Variants in AMD1 observed in about 807,000 individuals in gnomAD.
The protein encoded by AMD1 is adenosylmethionine decarboxylase 1, also known as S-adenosylmethionine decarboxylase proenzyme.
In AMD1, 11 loss-of-function variants were observed where a neutral mutation model predicts 40.2. The observed-to-expected ratio is 0.27, with a 90% CI of 0.17 to 0.45. AMD1 has a LOEUF of 0.45. Ranked by LOEUF, AMD1 falls within the 20% of genes least tolerant of loss-of-function variation. AMD1 has a pLI of 1.00. For missense variants in AMD1, 257 were observed against 410.2 expected (o/e 0.63, Z 3.23); for synonymous variants, 121 against 130.8 (o/e 0.93, Z 0.51).
the AMD1 span, among the ~76,000 whole-genome samples, chr6:110,841,069 A>C: frequency 6.6e-6 from 1 of 152,158 alleles, no homozygotes; most frequent in Non-Finnish European, 1.5e-5. Flanking sequence ...GCTGGAGTGC[A>C]ATGGCACGAT....
At chr6:110,865,854 C>T in the AMD1 span, among the ~76,000 whole-genome samples, 1 of 152,020 alleles carries the variant, frequency 6.6e-6, no homozygotes, top group East Asian at 1.9e-4. Context: ...CCTCTACCTC[C>T]TGGGTTCAAA....
intron 1 of AMD1, among the ~76,000 whole-genome samples, chr6:110,878,982 A>G (rs966676925): frequency 7.2e-5 from 11 of 152,190 alleles, no homozygotes; most frequent in Non-Finnish European, 1.6e-4. Context: ...ACCCGTTGCC[A>G]AAAAACCTTT....
the AMD1 span, among the ~76,000 whole-genome samples, chr6:110,838,044 C>T: frequency 8.0e-6 from 1 of 125,640 alleles, no homozygotes; most frequent in Non-Finnish European, 1.6e-5. Context: ...ACCTGGGCAA[C>T]AAGAGTGAGA....
At chr6:110,851,921 A>T in the AMD1 span, among the ~76,000 whole-genome samples, 1 of 152,248 alleles carries the variant, frequency 6.6e-6, no homozygotes, top group Non-Finnish European at 1.5e-5. Context: ...TATGCAAAAA[A>T]TAAGTAACAA....
chr6:110,835,546 C>T, the AMD1 span, among the ~76,000 whole-genome samples: 1 of 152,112 alleles, frequency 6.6e-6, no homozygotes, highest in Non-Finnish European at 1.5e-5. Flanking sequence ...TCATGCAGAT[C>T]TTCCAAATCT....
At chr6:110,886,038 T>C (rs1562337985) in intron 1 of AMD1, among the ~76,000 whole-genome samples, 2 of 152,088 alleles carry the variant, frequency 1.3e-5, no homozygotes, top group African/African-American at 4.8e-5. Flanking sequence ...GCGGATCACC[T>C]GAGGTCAGTA....
chr6:110,840,784 G>A, the AMD1 span, among the ~76,000 whole-genome samples: 1 of 152,012 alleles, frequency 6.6e-6, no homozygotes, highest in Non-Finnish European at 1.5e-5. Flanking sequence ...CCCACTTCAG[G>A]GGGCAAGTGA....
At chr6:110,870,489 G>A (rs898181502), upstream of AMD1, among the ~76,000 whole-genome samples, 2 of 152,142 alleles carry the variant, frequency 1.3e-5, no homozygotes, top group Non-Finnish European at 2.9e-5. Context: ...CAGGCATGGT[G>A]GCACTTGCCT....
At chr6:110,860,221 G>A in the AMD1 span, among the ~76,000 whole-genome samples, 3 of 152,026 alleles carry the variant, frequency 2.0e-5, no homozygotes, top group Admixed American at 2.0e-4. Flanking sequence ...ACGCCCCACC[G>A]AGTACTGCAC....
chr6:110,862,131 C>T, the AMD1 span, among the ~76,000 whole-genome samples: 1 of 150,434 alleles, frequency 6.6e-6, no homozygotes, highest in Non-Finnish European at 1.5e-5. Context: ...GTGATTCTCC[C>T]AGGAGTAGCT....
the AMD1 span, among the ~76,000 whole-genome samples, chr6:110,867,024 AG>A: frequency 6.6e-6 from 1 of 152,014 alleles, no homozygotes; most frequent in South Asian, 2.1e-4. Context: ...CGTGTTAGCC[AG>A]GATGGTCTCG....
chr6:110,844,945 G>A, the AMD1 span, among the ~76,000 whole-genome samples: 19 of 151,642 alleles, frequency 1.3e-4, no homozygotes, highest in African/African-American at 4.6e-4. Flanking sequence ...AATCATCACA[G>A]AAGGTGAAAT....
chr6:110,832,082 G>C, the AMD1 span, among the ~76,000 whole-genome samples: 1 of 148,518 alleles, frequency 6.7e-6, no homozygotes, highest in African/African-American at 2.5e-5. Context: ...GCAGGATCTC[G>C]GCTCACTGCA....
At chr6:110,876,580 A>G (rs1028207658) in intron 1 of AMD1, among the ~76,000 whole-genome samples, 8 of 152,192 alleles carry the variant, frequency 5.3e-5, no homozygotes, top group African/African-American at 1.9e-4. Flanking sequence ...CATTGTAGAA[A>G]AAAATACTAG....
At position 110,893,869 on chromosome 6, in the gene AMD1, G is replaced by A; in HGVS notation, c.*253G>A. The A allele has an allele frequency of 4.9e-6, 2 of 406,692 alleles. No homozygotes were observed. The highest frequency in any genetic ancestry group is 8.9e-6 in the Non-Finnish European group (2 of 224,888). The allele number at this position is 406,692 out of a possible 1,614,324, so 25.2% of individuals were successfully genotyped here. A position where few individuals can be genotyped will look rare whatever the true frequency, so the allele number is the denominator to read the frequency against. On this transcript the variant is annotated 3_prime_UTR_variant, in exon 9 of 9. Transcript: ENST00000368885. ...CTCTTGCTGTGAAATTGAAGTGCAT[G>A]TAGAAAAAACCTTTTACTATATGAA... is the stretch of plus-strand genomic sequence containing the variant.
Position 110,893,550 on chromosome 6 carries a change from T to C in AMD1, c.939T>C (p.Ala313=), listed in dbSNP as rs1403661590. 8 of 1,613,986 alleles carry C rather than the reference T, an allele frequency of 5.0e-6. No individual in the cohort carries two copies. The African/African-American group carries it at 1.1e-4, about 22-fold the overall frequency. Residue 313 remains alanine, a synonymous_variant, in exon 9 of 9, where the codon GCT becomes GCC. Transcript: ENST00000368885. ...EGFKRLDCQS[A]MFNDYNFVFT... ...TTAAGCGTCTTGATTGCCAGAGTGC[T>C]ATGTTCAATGATTACAATTTTGTTT... is the stretch of plus-strand genomic sequence containing the variant.
rs1303412115 is a variant in AMD1, at chr6:110,893,462, A to G, written c.865-14A>G. ...GATTGCAAACACTAACGGTTATTTAATTTTTTCCCCCAGAGTTCTAAATGT... is the reference window on the plus strand; with the variant it reads ...GATTGCAAACACTAACGGTTATTTAGTTTTTTCCCCCAGAGTTCTAAATGT... On this transcript the variant is annotated splice_polypyrimidine_tract_variant and intron_variant, in intron 8 of 8. Transcript: ENST00000368885. The G allele has an allele frequency of 1.2e-6, 2 of 1,611,930 alleles. No homozygotes were observed. The highest frequency in any genetic ancestry group is 1.7e-6 in the Non-Finnish European group (2 of 1,179,268).
the AMD1 span, among the ~76,000 whole-genome samples, chr6:110,852,933 T>G: frequency 6.6e-6 from 1 of 151,542 alleles, no homozygotes; most frequent in Non-Finnish European, 1.5e-5. Context: ...TAAGCAGCCA[T>G]ATCAGTCTTT....
chr6:110,838,378 C>T, the AMD1 span, among the ~76,000 whole-genome samples: 3 of 151,434 alleles, frequency 2.0e-5, no homozygotes, highest in Non-Finnish European at 2.9e-5. Context: ...AAGAGTGAGA[C>T]TCCATCTCAA....
Sources: allele counts gnomAD v4.1 joint callset (sites outside exome capture counted in the v4.1 genomes callset), GRCh38; gene constraint gnomAD v4.1.1; transcripts MANE v1.5; gene names NCBI Gene and HGNC (gene_info 2026-07-23, HGNC 2026-07-21).